TXNL4A: variants seen among roughly 807,000 people sequenced by gnomAD.
The protein encoded by TXNL4A is thioredoxin-like protein 4A.
A neutral mutation model predicts 14.6 loss-of-function variants in TXNL4A; 17 were observed. The ratio of observed to expected loss-of-function variants is 1.16; its 90% confidence interval spans 0.80 to 1.74. The LOEUF is 1.74. Among genes scored for constraint, TXNL4A ranks in the 40% most tolerant of loss-of-function variants. TXNL4A has a pLI of 0.00. For missense variants in TXNL4A, 74 were observed against 195.2 expected (o/e 0.38, Z 3.70); for synonymous variants, 83 against 70.6 (o/e 1.18, Z -0.88).
chr18:79,995,131 G>A (rs1302271619), intron 1 of TXNL4A: 1 of 152,170 alleles, frequency 6.6e-6, no homozygotes, highest in Non-Finnish European at 1.5e-5. Context: ...CCTGCCTCCC[G>A]TAAAGATCCA....
intron 1 of TXNL4A, among the ~76,000 whole-genome samples, chr18:80,017,378 G>A (rs2051818645): frequency 1.3e-5 from 2 of 151,514 alleles, no homozygotes; most frequent in South Asian, 4.2e-4. Context: ...TAATTGCCCT[G>A]GCCAGAACTT....
chr18:80,005,378 G>A (rs965064476), intron 1 of TXNL4A, among the ~76,000 whole-genome samples: 1 of 152,212 alleles, frequency 6.6e-6, no homozygotes, highest in African/African-American at 2.4e-5. Flanking sequence ...GGTTAAGAGT[G>A]TTTCAATTGC....
intron 1 of TXNL4A, among the ~76,000 whole-genome samples, chr18:80,009,290 C>T (rs2051753926): frequency 6.6e-6 from 1 of 152,156 alleles, no homozygotes; most frequent in African/African-American, 2.4e-5. Flanking sequence ...AGTCAGGAAA[C>T]ATCAGTGCCT....
chr18:80,009,962 C>A (rs923645133), intron 1 of TXNL4A, among the ~76,000 whole-genome samples: 1 of 152,134 alleles, frequency 6.6e-6, no homozygotes, highest in Admixed American at 6.5e-5. Flanking sequence ...CATGTGTGAG[C>A]CCACTCACCC....
upstream of TXNL4A, among the ~76,000 whole-genome samples, chr18:79,990,745 G>T (rs1478292525): frequency 6.6e-6 from 1 of 152,110 alleles, no homozygotes; most frequent in African/African-American, 2.4e-5. Context: ...AATTTTTAAG[G>T]ACATTAAGTA....
At chr18:80,012,660 G>A (rs2051777770) in intron 1 of TXNL4A, among the ~76,000 whole-genome samples, 1 of 152,174 alleles carries the variant, frequency 6.6e-6, no homozygotes, top group Non-Finnish European at 1.5e-5. Context: ...GTTATCCACA[G>A]TACCATTTGG....
chr18:79,974,153 C>T (rs1051071879), intron 2 of TXNL4A, among the ~76,000 whole-genome samples: 1 of 152,140 alleles, frequency 6.6e-6, no homozygotes, highest in African/African-American at 2.4e-5. Flanking sequence ...TGGCTCATGC[C>T]TGTAATCCCA....
intron 1 of TXNL4A, among the ~76,000 whole-genome samples, chr18:79,979,843 A>G (rs1480451274): frequency 6.6e-6 from 1 of 152,236 alleles, no homozygotes; most frequent in Admixed American, 6.5e-5. Flanking sequence ...ATTCTGGAAC[A>G]AAGGATATGA....
At chr18:80,012,595 C>G (rs2087609967) in intron 1 of TXNL4A, among the ~76,000 whole-genome samples, 1 of 152,170 alleles carries the variant, frequency 6.6e-6, no homozygotes, top group African/African-American at 2.4e-5. Flanking sequence ...ATAAGGTTGC[C>G]TTCCCTATAT....
At chr18:80,023,440 C>CT (rs2051863182) in intron 1 of TXNL4A, among the ~76,000 whole-genome samples, 1 of 151,796 alleles carries the variant, frequency 6.6e-6, no homozygotes, top group Non-Finnish European at 1.5e-5. Flanking sequence ...CGTAAAAACT[C>CT]TGACTCCAAA....
At chr18:80,001,848 G>A (rs551466616) in intron 1 of TXNL4A, among the ~76,000 whole-genome samples, 27 of 152,302 alleles carry the variant, frequency 1.8e-4, no homozygotes, top group Non-Finnish European at 2.9e-4. Context: ...CTGTGTCCCA[G>A]ATGAGAGTTT....
At chr18:80,006,645 T>C (rs1280973075) in intron 1 of TXNL4A, among the ~76,000 whole-genome samples, 1 of 152,226 alleles carries the variant, frequency 6.6e-6, no homozygotes, top group African/African-American at 2.4e-5. Flanking sequence ...TGTTGCCTCA[T>C]GTCAAGGAAA....
chr18:80,016,048 G>A (rs11504773), intron 1 of TXNL4A, among the ~76,000 whole-genome samples: 12,060 of 128,230 alleles, frequency 0.094, 244 homozygotes, highest in Middle Eastern at 0.17. Context: ...TTTAATGATT[G>A]CCATTCTAAC....
At chr18:79,978,248 T>C (rs1452285009) in intron 1 of TXNL4A, among the ~76,000 whole-genome samples, 2 of 152,168 alleles carry the variant, frequency 1.3e-5, no homozygotes, top group Admixed American at 6.5e-5. Context: ...TAATCATCTG[T>C]ATGAACCTTT....
At chr18:80,015,455 C>T (rs2051801817) in intron 1 of TXNL4A, among the ~76,000 whole-genome samples, 3 of 151,530 alleles carry the variant, frequency 2.0e-5, no homozygotes, top group Non-Finnish European at 4.4e-5. Flanking sequence ...TGGTGTGCTG[C>T]ACCCATTAAC....
chr18:79,979,158 G>T (rs565462142), intron 1 of TXNL4A, among the ~76,000 whole-genome samples: 8 of 151,694 alleles, frequency 5.3e-5, no homozygotes, highest in Admixed American at 5.3e-4. Context: ...GGCTGATCTC[G>T]AACTCCTGAC....
intron 1 of TXNL4A, among the ~76,000 whole-genome samples, chr18:79,978,485 G>A (rs370733010): frequency 9.3e-4 from 142 of 152,228 alleles, no homozygotes; most frequent in African/African-American, 3.3e-3. Flanking sequence ...CCAACACCTA[G>A]GGGTGACTGC....
chr18:80,021,886 C>T (rs921490254), intron 1 of TXNL4A, among the ~76,000 whole-genome samples: 6 of 152,088 alleles, frequency 3.9e-5, no homozygotes, highest in African/African-American at 1.4e-4. Flanking sequence ...GCCAATTTTC[C>T]CGTGACTTGT....
upstream of TXNL4A, among the ~76,000 whole-genome samples, chr18:79,991,544 A>G (rs1169569722): frequency 1.3e-5 from 2 of 152,268 alleles, no homozygotes; most frequent in Admixed American, 1.3e-4. Context: ...TTTATCCATC[A>G]GTTGATTGAC....
Sources: allele counts gnomAD v4.1 joint callset (sites outside exome capture counted in the v4.1 genomes callset), GRCh38; gene constraint gnomAD v4.1.1; transcripts MANE v1.5; gene names NCBI Gene and HGNC (gene_info 2026-07-23, HGNC 2026-07-21).